Variants in EYS observed in about 807,000 individuals in gnomAD.
The protein encoded by EYS is protein eyes shut homolog.
Under a neutral mutation model 282.1 loss-of-function variants are expected in EYS, and 250 were observed. The ratio of observed to expected loss-of-function variants is 0.89; its 90% confidence interval spans 0.80 to 0.98. EYS has a LOEUF of 0.98. Ranked by LOEUF, EYS falls within the 50% of genes least tolerant of loss-of-function variation. The pLI is 0.00. For synonymous variants in EYS, 1,355 were observed against 1,282.9 expected, an observed-to-expected ratio of 1.06 and a Z score of -1.20; for missense variants, 4,016 against 3,709.0, an observed-to-expected ratio of 1.08 and a Z score of -2.15.
intron 22 of EYS, among the ~76,000 whole-genome samples, chr6:64,627,048 T>A (rs1767632507): frequency 1.3e-5 from 2 of 152,212 alleles, no homozygotes; most frequent in Non-Finnish European, 2.9e-5. Context: ...CATTTAGATG[T>A]CAGCTGTTAA....
chr6:63,822,006 C>T (rs1231574765), intron 36 of EYS: 1 of 152,184 alleles, frequency 6.6e-6, no homozygotes, highest in South Asian at 2.1e-4. Context: ...TGATGAAGGG[C>T]CATGTGCTGT....
rs1768032777 is a variant in EYS, at chr6:64,912,562, G to A, written c.2563C>T (p.Leu855=). ...TTGTTTCTGCAAGGGTTATGAAGTAGGTCACAAAGGTTATAGCGTTGGTGG... is the reference window on the plus strand; with the variant it reads ...TTGTTTCTGCAAGGGTTATGAAGTAAGTCACAAAGGTTATAGCGTTGGTGG... ...FCHQRYNLCD[L]LHNPCRNNST... is the part of the protein sequence containing the mutation. Residue 855 remains leucine, a synonymous_variant, in exon 16 of 43, where the codon CTA becomes TTA. Coordinates refer to ENST00000503581, the MANE Select transcript of EYS (RefSeq NM_001142800.2). 6.4e-7 allele frequency: 1 copy of A among 1,551,234 alleles called. No individual in the cohort carries two copies. The highest frequency in any genetic ancestry group is 8.7e-7 in the Non-Finnish European group (1 of 1,146,600).
intron 5 of EYS, among the ~76,000 whole-genome samples, chr6:65,417,151 T>C (rs1767270614): frequency 6.6e-6 from 1 of 152,076 alleles, no homozygotes; most frequent in African/African-American, 2.4e-5. Context: ...TTCATTGTAG[T>C]AGTATTCATT....
At chr6:64,078,498 G>C (rs1271627517) in intron 32 of EYS, among the ~76,000 whole-genome samples, 2 of 151,988 alleles carry the variant, frequency 1.3e-5, no homozygotes, top group Non-Finnish European at 1.5e-5. Context: ...ATAGAAAGTA[G>C]CAACCCAGGA....
At chr6:65,270,948 T>A (rs1767882436) in intron 12 of EYS, among the ~76,000 whole-genome samples, 1 of 151,508 alleles carries the variant, frequency 6.6e-6, no homozygotes, top group South Asian at 2.1e-4. Context: ...TCACCAGAAT[T>A]GTCTTTAAAA....
intron 36 of EYS, among the ~76,000 whole-genome samples, chr6:63,827,850 C>A (rs1197495075): frequency 1.3e-4 from 11 of 85,016 alleles, no homozygotes; most frequent in African/African-American, 3.1e-4. Context: ...GACTCCGTCT[C>A]AAAAAAAAAA....
intron 2 of EYS, among the ~76,000 whole-genome samples, chr6:65,544,801 A>C (rs1044014897): frequency 1.3e-5 from 2 of 152,186 alleles, no homozygotes; most frequent in African/African-American, 4.8e-5. Flanking sequence ...AGTTTGAGAA[A>C]ATTCTGTCTT....
chr6:65,375,689 C>A (rs561574553), intron 8 of EYS, among the ~76,000 whole-genome samples: 1 of 151,802 alleles, frequency 6.6e-6, no homozygotes, highest in African/African-American at 2.4e-5. Context: ...CATAAATGAC[C>A]GGATGGAGCT....
intron 2 of EYS, among the ~76,000 whole-genome samples, chr6:65,574,192 C>T (rs917078968): frequency 3.3e-5 from 5 of 152,170 alleles, no homozygotes; most frequent in African/African-American, 1.2e-4. Flanking sequence ...GTGCCACTGG[C>T]ACCTCTAGTG....
At chr6:64,986,589 G>A (rs900191016) in intron 14 of EYS, among the ~76,000 whole-genome samples, 1 of 150,528 alleles carries the variant, frequency 6.6e-6, no homozygotes, top group Non-Finnish European at 1.5e-5. Flanking sequence ...ACTATGGTTT[G>A]TTTTTACTTT....
intron 31 of EYS, among the ~76,000 whole-genome samples, chr6:64,102,196 T>A (rs2150259730): frequency 6.6e-6 from 1 of 152,320 alleles, no homozygotes; most frequent in East Asian, 1.9e-4. Flanking sequence ...TTCTTCTTTA[T>A]GTTTTTGAAA....
At chr6:63,905,124 G>A (rs1481411047) in intron 35 of EYS, among the ~76,000 whole-genome samples, 1 of 152,096 alleles carries the variant, frequency 6.6e-6, no homozygotes, top group African/African-American at 2.4e-5. Flanking sequence ...ACCTAGTATG[G>A]ATGTTTCATA....
At chr6:64,298,190 T>G (rs368406193) in intron 30 of EYS, among the ~76,000 whole-genome samples, 171 of 152,280 alleles carry the variant, frequency 1.1e-3, no homozygotes, top group African/African-American at 3.8e-3. Flanking sequence ...TGGCTTATAA[T>G]GCACTTTTTG....
At chr6:64,800,577 T>G (rs988101254) in intron 22 of EYS, among the ~76,000 whole-genome samples, 1 of 151,880 alleles carries the variant, frequency 6.6e-6, no homozygotes, top group African/African-American at 2.4e-5. Context: ...CTTTTTTTTT[T>G]TTTAAAGTTT....
chr6:63,840,209 A>ATCTTCT (rs1554180996), intron 36 of EYS, among the ~76,000 whole-genome samples: 30 of 60,628 alleles, frequency 4.9e-4, no homozygotes, highest in Non-Finnish European at 9.8e-4. Flanking sequence ...CACCATGCCC[A>ATCTTCT]TCTTATTATT....
chr6:65,127,065 A>G (rs1775740011), intron 12 of EYS, among the ~76,000 whole-genome samples: 1 of 152,082 alleles, frequency 6.6e-6, no homozygotes, highest in Non-Finnish European at 1.5e-5. Flanking sequence ...GACAATGAAA[A>G]CTGTTTCAAA....
chr6:65,595,663 T>A (rs1043003888), intron 2 of EYS, among the ~76,000 whole-genome samples: 1 of 136,274 alleles, frequency 7.3e-6, no homozygotes, highest in Non-Finnish European at 1.6e-5. Flanking sequence ...AAAAAAAAAA[T>A]CAGTTTAGTT....
chr6:65,080,644 T>A (rs138424111), intron 12 of EYS, among the ~76,000 whole-genome samples: 24 of 152,106 alleles, frequency 1.6e-4, no homozygotes, highest in Non-Finnish European at 3.2e-4. Context: ...TTTGTTTGGG[T>A]TTGTTAGTCT....
chr6:64,049,515 G>A (rs746559476), intron 33 of EYS, among the ~76,000 whole-genome samples: 1 of 152,084 alleles, frequency 6.6e-6, no homozygotes, highest in African/African-American at 2.4e-5. Context: ...CTTTCCCATT[G>A]GATTGAATTT....
Sources: gnomAD v4.1 joint callset for allele counts (sites outside exome capture counted in the v4.1 genomes callset) on GRCh38, gnomAD v4.1.1 for gene constraint, MANE v1.5 for transcripts, NCBI Gene and HGNC (gene_info 2026-07-23, HGNC 2026-07-21) for gene names.